KIF27: variants seen among roughly 807,000 people sequenced by gnomAD.
KIF27 encodes kinesin-like protein KIF27.
KIF27 carries 84 observed loss-of-function variants against 141.8 expected under a neutral mutation model. The ratio of observed to expected loss-of-function variants is 0.59; its 90% confidence interval spans 0.50 to 0.71. KIF27 has a LOEUF of 0.71. Among genes scored for constraint, KIF27 ranks in the 30% least tolerant of loss-of-function variants. The pLI is 0.00. For synonymous variants in KIF27, 471 were observed against 569.5 expected (o/e 0.83, Z 2.46); for missense variants, 1,306 against 1,628.4 (o/e 0.80, Z 3.41).
Position 83,915,352 on chromosome 9 carries a change from A to C in KIF27, c.240T>G (p.Val80=), listed in dbSNP as rs1955583606. The part of the protein sequence containing the change: ...LSLIEGYNAT[V]FAYGQTGSGK... Reference sequence around the variant, plus strand: ...CAGATCCAGTTTGTCCATAGGCAAAAACAGTTGCATTATAGCCCTCAATGA... The same window carrying C: ...CAGATCCAGTTTGTCCATAGGCAAACACAGTTGCATTATAGCCCTCAATGA... The change falls in exon 2 of 18, where the codon GTT becomes GTG. Residue 80 remains valine (V), a synonymous_variant. Coordinates refer to ENST00000297814, the MANE Select transcript of KIF27 (RefSeq NM_017576.4). 3 of 1,613,842 alleles carry C rather than the reference A, an allele frequency of 1.9e-6. No individual in the cohort carries two copies. The highest frequency in any genetic ancestry group is 1.7e-6 in the Non-Finnish European group (2 of 1,179,790).
intron 3 of KIF27, among the ~76,000 whole-genome samples, chr9:83,906,069 AAAG>A (rs963529480): frequency 1.3e-5 from 2 of 152,222 alleles, no homozygotes; most frequent in African/African-American, 4.8e-5. Context: ...GATATTTTAC[AAAG>A]AAGCATGTAT....
intron 11 of KIF27, among the ~76,000 whole-genome samples, chr9:83,878,161 CAAAAAAAAA>C (rs58897060): frequency 0.039 from 1,481 of 38,418 alleles, 58 homozygotes; most frequent in African/African-American, 0.11. Context: ...GACTCTGTCT[CAAAAAAAAA>C]AAAAAAAAAA....
In KIF27 at chr9:83,884,773, A is replaced by G. The variant is rs183104222; in HGVS notation, c.2240-755T>C. Among the ~76,000 whole-genome samples the G allele has an allele frequency of 6.0e-3, 910 of 152,314 alleles. 19 individuals carry two copies. The highest frequency in any genetic ancestry group is 1.8e-3 in the Non-Finnish European group (120 of 68,032). ...AATTGGTTTATTTAAATCAGGATCT[A>G]AACAAGGTCCACAATACATTTGATT... On this transcript the variant is annotated intron_variant, in intron 9 of 17. Transcript: ENST00000297814.
At chr9:83,861,617 T>G (rs969082601) in intron 13 of KIF27, among the ~76,000 whole-genome samples, 1 of 152,090 alleles carries the variant, frequency 6.6e-6, no homozygotes, top group Non-Finnish European at 1.5e-5. Flanking sequence ...CTTGCTATTG[T>G]GAATAGTGCC....
In KIF27 at chr9:83,880,393, T is replaced by C. The variant is rs556438812; in HGVS notation, c.2547A>G (p.Lys849=). ...NELEQSVDHM[K]YQKIQLQRKL... is the part of the protein sequence containing the mutation. ...TTCTTTGTAGCTGTATCTTTTGATA[T>C]TTCATGTGATCTACACTCTGCTCTA... is the stretch of plus-strand genomic sequence containing the variant. The change falls in exon 11 of 18, where the codon AAA becomes AAG. Residue 849 remains lysine, a synonymous_variant. Coordinates refer to ENST00000297814, the MANE Select transcript of KIF27 (RefSeq NM_017576.4). 3.8e-6 allele frequency: 6 copies of C among 1,599,182 alleles called. No individual in the cohort carries two copies. Among genetic ancestry groups the C allele is most frequent in the Non-Finnish European group, 5.1e-6 (6 of 1,172,130 alleles).
intron 14 of KIF27, among the ~76,000 whole-genome samples, chr9:83,857,968 T>G (rs1305184485): frequency 1.5e-5 from 2 of 136,918 alleles, no homozygotes; most frequent in Non-Finnish European, 3.2e-5. Flanking sequence ...TACTTTGGGT[T>G]TTTTTTTTTT....
intron 10 of KIF27, among the ~76,000 whole-genome samples, chr9:83,882,651 C>G (rs1038738636): frequency 6.6e-6 from 1 of 152,174 alleles, no homozygotes; most frequent in Non-Finnish European, 1.5e-5. Flanking sequence ...TTTCTGTCCT[C>G]TGCTGTATCA....
intron 1 of KIF27, among the ~76,000 whole-genome samples, chr9:83,920,525 G>A (rs1284522792): frequency 2.6e-5 from 4 of 152,162 alleles, no homozygotes; most frequent in Non-Finnish European, 5.9e-5. Flanking sequence ...TTGCCATCCC[G>A]TACCCTTGAT....
At chr9:83,901,407 C>T (rs1394581143) in intron 4 of KIF27, among the ~76,000 whole-genome samples, 2 of 152,304 alleles carry the variant, frequency 1.3e-5, no homozygotes, top group African/African-American at 2.4e-5. Context: ...CAGTGAAATA[C>T]TTCTCCCTTC....
chr9:83,877,131 T>C (rs1368926259), intron 11 of KIF27, among the ~76,000 whole-genome samples: 4 of 152,156 alleles, frequency 2.6e-5, no homozygotes, highest in Non-Finnish European at 5.9e-5. Flanking sequence ...TTGATATACA[T>C]AGTGAAATGA....
At chr9:83,860,224 C>T (rs1410069827) in intron 13 of KIF27, 2 of 152,246 alleles carry the variant, frequency 1.3e-5, no homozygotes, top group East Asian at 3.9e-4. Flanking sequence ...ATTATAGAGA[C>T]ACATACTATC....
At chr9:83,916,630 C>A (rs1390530572) in intron 1 of KIF27, among the ~76,000 whole-genome samples, 2 of 150,568 alleles carry the variant, frequency 1.3e-5, no homozygotes, top group African/African-American at 2.4e-5. Context: ...TATATATAAA[C>A]AAATAATTGG....
intron 13 of KIF27, among the ~76,000 whole-genome samples, chr9:83,866,950 C>T (rs557849025): frequency 7.6e-6 from 1 of 132,386 alleles, no homozygotes; most frequent in African/African-American, 2.6e-5. Flanking sequence ...TTTTATTCAC[C>T]CCCCCCCCAA....
intron 16 of KIF27, chr9:83,848,043 C>CA (rs1947552280): frequency 1.6e-4 from 15 of 94,776 alleles, no homozygotes; most frequent in East Asian, 5.6e-4. Flanking sequence ...CTATATATAT[C>CA]TACATATATC....
At chr9:83,906,356 C>T (rs888770573) in intron 3 of KIF27, among the ~76,000 whole-genome samples, 1 of 152,198 alleles carries the variant, frequency 6.6e-6, no homozygotes, top group Admixed American at 6.5e-5. Context: ...AGCCATCTTA[C>T]TTTCCTAACT....
At position 83,837,101 on chromosome 9, in the gene KIF27, A is replaced by G. The variant is rs1945942012; in HGVS notation, c.4106T>C (p.Leu1369Ser). The G allele has an allele frequency of 2.5e-6, 4 of 1,613,994 alleles. No individual in the cohort carries two copies. Among genetic ancestry groups the G allele is most frequent in the African/African-American group, 2.7e-5 (2 of 75,054 alleles). The change falls in exon 18 of 18, where the codon TTG (leucine) becomes TCG (serine). Residue 1369 changes from leucine (L) to serine (S), a missense_variant. This residue lies in a region of KIF27 where 148 missense variants were observed against 250.9 expected (regional missense o/e 0.59). Coordinates refer to ENST00000297814, the MANE Select transcript of KIF27 (RefSeq NM_017576.4). ...ACTGGAACGTCGCAATGATAGTTCC[A>G]AGGCGGAAATTTGACGTAATTCTTT... is the stretch of plus-strand genomic sequence containing the variant. ...CRKELRQISALELSLRRSSLG... is the reference protein window; with the variant it reads ...CRKELRQISASELSLRRSSLG...
intron 17 of KIF27, among the ~76,000 whole-genome samples, 162 bp downstream of exon 17, chr9:83,842,075 A>C (rs1437779996): frequency 1.3e-5 from 2 of 152,226 alleles, no homozygotes; most frequent in Admixed American, 1.3e-4. Context: ...TTCACTTCTC[A>C]TGTGGTTCTA....
Position 83,908,438 on chromosome 9 carries a change from G to C in KIF27, c.499+14C>G. 1 of 1,548,488 alleles carries C rather than the reference G, an allele frequency of 6.5e-7. No homozygotes were observed. Among genetic ancestry groups the C allele is most frequent in the Non-Finnish European group, 8.9e-7 (1 of 1,127,858 alleles). On this transcript the variant is annotated intron_variant, in intron 3 of 17. Transcript: ENST00000297814. ...TTTGCTAATGAAGGCAACTGATTAAGTGTGCTACTTTACCTGTGTTTCCTT... is the reference window on the plus strand; with the variant it reads ...TTTGCTAATGAAGGCAACTGATTAACTGTGCTACTTTACCTGTGTTTCCTT...
chr9:83,859,451 G>A lies in KIF27; in HGVS notation c.2935-80C>T. The A allele has an allele frequency of 6.6e-6, 6 of 912,012 alleles. No homozygotes were observed. The Admixed American group carries it at 1.2e-4, about 18-fold the overall frequency. The allele number at this position is 912,012 out of a possible 1,614,324, so 56.5% of individuals were successfully genotyped here. Reference sequence around the variant, plus strand: ...GCATAAAAATTAGGAAAAACATAGAGAAAATTGCTAAATGAATATATTTTT... The same window carrying A: ...GCATAAAAATTAGGAAAAACATAGAAAAAATTGCTAAATGAATATATTTTT... On this transcript the variant is annotated intron_variant, in intron 13 of 17. Transcript: ENST00000297814.
Sources: allele counts gnomAD v4.1 joint callset (sites outside exome capture counted in the v4.1 genomes callset), GRCh38; gene constraint gnomAD v4.1.1; regional missense constraint gnomAD v4.1.1; transcripts MANE v1.5; gene names NCBI Gene and HGNC (gene_info 2026-07-23, HGNC 2026-07-21).